Variants in HCRTR2 observed in about 807,000 individuals in gnomAD.
The protein encoded by HCRTR2 is hypocretin receptor 2.
Under a neutral mutation model 49.0 loss-of-function variants are expected in HCRTR2, and 22 were observed. The ratio of observed to expected loss-of-function variants is 0.45; its 90% confidence interval spans 0.32 to 0.64. The LOEUF (loss-of-function observed/expected upper bound fraction) is 0.64, where lower values mean the gene tolerates loss of function less well. Ranked by LOEUF, HCRTR2 falls within the 30% of genes least tolerant of loss-of-function variation. HCRTR2 has a pLI of 0.04. For synonymous variants in HCRTR2, 236 were observed against 205.3 expected (o/e 1.15, Z -1.28); for missense variants, 491 against 559.4 (o/e 0.88, Z 1.23).
intron 1 of HCRTR2, among the ~76,000 whole-genome samples, chr6:55,206,225 G>A (rs1250189318): frequency 6.6e-6 from 1 of 152,016 alleles, no homozygotes; most frequent in Non-Finnish European, 1.5e-5. Context: ...ATAAGTGTGA[G>A]TGGAGTTATA....
chr6:55,249,313 T>C (rs1324486519), intron 2 of HCRTR2, among the ~76,000 whole-genome samples: 1 of 152,164 alleles, frequency 6.6e-6, no homozygotes, highest in Non-Finnish European at 1.5e-5. Context: ...TATTTTATAC[T>C]GAAGAATTAA....
At chr6:55,148,228 T>G (rs1764620029) in intron 1 of HCRTR2, among the ~76,000 whole-genome samples, 1 of 151,994 alleles carries the variant, frequency 6.6e-6, no homozygotes, top group Middle Eastern at 3.2e-3. Context: ...TTTTCTACTG[T>G]GAAATGATCG....
At chr6:55,122,883 C>G (rs1288398462) in intron 1 of HCRTR2, among the ~76,000 whole-genome samples, 1 of 146,946 alleles carries the variant, frequency 6.8e-6, no homozygotes, top group Non-Finnish European at 1.5e-5. Flanking sequence ...AACCAAACAC[C>G]GCATGTTCTC....
intron 1 of HCRTR2, among the ~76,000 whole-genome samples, chr6:55,187,424 A>G (rs925924552): frequency 8.2e-4 from 9 of 10,944 alleles, no homozygotes; most frequent in Non-Finnish European, 1.3e-3. Context: ...AAAAAAAAAA[A>G]AAAAAAAAAA....
At chr6:55,186,730 A>T (rs1765222165) in intron 1 of HCRTR2, among the ~76,000 whole-genome samples, 1 of 152,236 alleles carries the variant, frequency 6.6e-6, no homozygotes, top group Admixed American at 6.5e-5. Context: ...TGTGTCCCAA[A>T]TGAGGTGAAA....
chr6:55,111,735 T>C (rs1764050848), intron 1 of HCRTR2, among the ~76,000 whole-genome samples: 1 of 152,040 alleles, frequency 6.6e-6, no homozygotes, highest in African/African-American at 2.4e-5. Flanking sequence ...GAATAATTGG[T>C]ACCAATCCTG....
chr6:55,196,153 C>G (rs1280133466), intron 1 of HCRTR2, among the ~76,000 whole-genome samples: 2 of 152,138 alleles, frequency 1.3e-5, no homozygotes, highest in Non-Finnish European at 2.9e-5. Context: ...ACTCCTGTTT[C>G]TTCACATTCC....
At chr6:55,196,117 G>A (rs1273577675) in intron 1 of HCRTR2, among the ~76,000 whole-genome samples, 5 of 152,068 alleles carry the variant, frequency 3.3e-5, no homozygotes, top group Non-Finnish European at 7.4e-5. Flanking sequence ...GTCGATCATT[G>A]TTGTTTCTGT....
intron 1 of HCRTR2, among the ~76,000 whole-genome samples, chr6:55,241,883 T>A (rs1172101094): frequency 8.4e-5 from 12 of 142,832 alleles, no homozygotes; most frequent in Non-Finnish European, 1.6e-4. Flanking sequence ...TTTTTTTTTT[T>A]TGTGAGAGGG....
chr6:55,192,779 C>T (rs140673220), intron 1 of HCRTR2, among the ~76,000 whole-genome samples: 15 of 152,168 alleles, frequency 9.9e-5, no homozygotes, highest in African/African-American at 3.4e-4. Flanking sequence ...ACTCAATCTA[C>T]GTAACAACTG....
intron 1 of HCRTR2, among the ~76,000 whole-genome samples, chr6:55,187,203 G>A (rs1176701750): frequency 1.3e-5 from 2 of 151,604 alleles, no homozygotes; most frequent in East Asian, 1.9e-4. Context: ...TCAAGAGATC[G>A]AGACCATCCT....
chr6:55,163,884 A>G (rs1410980297), intron 1 of HCRTR2, among the ~76,000 whole-genome samples: 2 of 152,202 alleles, frequency 1.3e-5, no homozygotes, highest in Non-Finnish European at 2.9e-5. Context: ...TCCATCTGAT[A>G]AAGGGCTAAT....
At chr6:55,273,123 T>C (rs1345294154) in intron 4 of HCRTR2, among the ~76,000 whole-genome samples, 3 of 151,994 alleles carry the variant, frequency 2.0e-5, no homozygotes, top group Non-Finnish European at 4.4e-5. Flanking sequence ...ACAAAAAGTG[T>C]CAAGAAATCA....
chr6:55,200,158 C>G (rs753858473), intron 1 of HCRTR2, among the ~76,000 whole-genome samples: 1 of 151,796 alleles, frequency 6.6e-6, no homozygotes, highest in Non-Finnish European at 1.5e-5. Flanking sequence ...AGAAATCTTT[C>G]ACTATAATTT....
intron 1 of HCRTR2, among the ~76,000 whole-genome samples, chr6:55,191,560 C>T (rs1765315659): frequency 6.6e-6 from 1 of 152,080 alleles, no homozygotes; most frequent in South Asian, 2.1e-4. Flanking sequence ...AATACTGGTG[C>T]TGATTTAGTC....
intron 1 of HCRTR2, among the ~76,000 whole-genome samples, chr6:55,199,487 C>T (rs180968447): frequency 6.6e-6 from 1 of 152,024 alleles, no homozygotes; most frequent in South Asian, 2.1e-4. Context: ...TTTCAAACTG[C>T]AAAGTTATCT....
chr6:55,185,897 C>G (rs11760180), intron 1 of HCRTR2, among the ~76,000 whole-genome samples: 1 of 152,138 alleles, frequency 6.6e-6, no homozygotes, highest in Non-Finnish European at 1.5e-5. Flanking sequence ...GCAATATATG[C>G]GTGCTCTAGA....
intron 1 of HCRTR2, among the ~76,000 whole-genome samples, chr6:55,220,244 A>T (rs143780786): frequency 9.9e-5 from 15 of 152,284 alleles, no homozygotes; most frequent in Non-Finnish European, 1.9e-4. Flanking sequence ...ATTACAACGA[A>T]CACACACACT....
intron 1 of HCRTR2, among the ~76,000 whole-genome samples, chr6:55,154,059 T>C (rs56342855): frequency 0.28 from 42,216 of 151,370 alleles, 6,678 homozygotes; most frequent in Middle Eastern, 0.47. Context: ...AAATACACAG[T>C]CTATCAAACT....
Sources: allele counts gnomAD v4.1 joint callset (sites outside exome capture counted in the v4.1 genomes callset), GRCh38; gene constraint gnomAD v4.1.1; transcripts MANE v1.5; gene names NCBI Gene and HGNC (gene_info 2026-07-23, HGNC 2026-07-21).